Variants in PCDHA3 observed in about 807,000 individuals in gnomAD.
PCDHA3 encodes protocadherin alpha-3.
In PCDHA3, 41 loss-of-function variants were observed where a neutral mutation model predicts 62.2. The ratio of observed to expected loss-of-function variants is 0.66; its 90% CI spans 0.51 to 0.86. PCDHA3 has a LOEUF of 0.86. Among genes scored for constraint, PCDHA3 ranks in the 40% least tolerant of loss-of-function variants. The pLI, the probability that PCDHA3 is intolerant of heterozygous loss-of-function variation, is 0.00. For missense variants in PCDHA3, 1,304 were observed against 1,241.2 expected (o/e 1.05, Z -0.76); for synonymous variants, 640 against 555.4 (o/e 1.15, Z -2.14).
chr5:140,876,165 C>T (rs782073467), intron 1 of PCDHA3: 4 of 1,613,944 alleles, frequency 2.5e-6, no homozygotes, highest in Admixed American at 1.7e-5. Flanking sequence ...TTCAAATAAC[C>T]GTCCTGGATG....
chr5:140,966,937 C>T (rs2096072123), intron 1 of PCDHA3: 6 of 1,604,032 alleles, frequency 3.7e-6, no homozygotes, highest in Non-Finnish European at 5.1e-6. Flanking sequence ...CCGGCGCGCT[C>T]GTGGGCAACG....
At chr5:140,937,748 T>C (rs192465220) in intron 1 of PCDHA3, among the ~76,000 whole-genome samples, 1 of 151,812 alleles carries the variant, frequency 6.6e-6, no homozygotes, top group Admixed American at 6.6e-5. Context: ...CCGTCTCTAC[T>C]AAAAATACAA....
chr5:140,877,515 G>A (rs371100299), intron 1 of PCDHA3: 177 of 1,613,796 alleles, frequency 1.1e-4, no homozygotes, highest in Admixed American at 4.8e-4. Context: ...CGTCGTCGCG[G>A]GCCTCAGTGG....
intron 1 of PCDHA3, among the ~76,000 whole-genome samples, chr5:140,977,549 A>G (rs2096765562): frequency 6.6e-6 from 1 of 152,210 alleles, no homozygotes; most frequent in African/African-American, 2.4e-5. Flanking sequence ...TTGCATATGC[A>G]TATCTTGCTA....
chr5:140,934,611 C>T (rs1346764744), intron 1 of PCDHA3, among the ~76,000 whole-genome samples: 2 of 151,950 alleles, frequency 1.3e-5, no homozygotes, highest in Non-Finnish European at 2.9e-5. Context: ...TTTGATTAGC[C>T]TGAGGTACAG....
At chr5:140,943,275 AAAG>A (rs1197372058) in intron 1 of PCDHA3, among the ~76,000 whole-genome samples, 86 of 137,844 alleles carry the variant, frequency 6.2e-4, no homozygotes, top group African/African-American at 2.2e-3. Flanking sequence ...AAAAAAAAAA[AAAG>A]AAAGAAAGAA....
At chr5:140,883,952 G>C (rs782014250) in intron 1 of PCDHA3, 17 of 1,613,030 alleles carry the variant, frequency 1.1e-5, no homozygotes, top group Non-Finnish European at 1.4e-5. Context: ...GAACGACAAC[G>C]CTCCGGCGCT....
chr5:140,975,579 A>G (rs1464978366), intron 1 of PCDHA3, among the ~76,000 whole-genome samples: 3 of 152,244 alleles, frequency 2.0e-5, no homozygotes, highest in Non-Finnish European at 4.4e-5. Context: ...ATGCAGTCTC[A>G]TGTCCCAGAG....
chr5:140,882,917 G>A, intron 1 of PCDHA3: 1 of 1,614,218 alleles, frequency 6.2e-7, no homozygotes, highest in Non-Finnish European at 8.5e-7. Context: ...AGCCAGTGAT[G>A]GAGGTAAACC....
At chr5:140,875,588 C>T in intron 1 of PCDHA3, 1 of 1,613,954 alleles carries the variant, frequency 6.2e-7, no homozygotes, top group Non-Finnish European at 8.5e-7. Flanking sequence ...TACGAGGAGG[C>T]CAAACACGGC....
intron 1 of PCDHA3, chr5:140,882,617 T>TA: frequency 6.2e-7 from 1 of 1,614,218 alleles, no homozygotes; most frequent in Non-Finnish European, 8.5e-7. Context: ...TCTGCAGGTT[T>TA]TCCATGTGGA....
chr5:140,832,197 C>T (rs1212075331), intron 1 of PCDHA3, among the ~76,000 whole-genome samples: 4 of 152,210 alleles, frequency 2.6e-5, no homozygotes, highest in Non-Finnish European at 5.9e-5. Context: ...ATTTAACCTG[C>T]TGAGTCCTCA....
chr5:140,965,664 A>G (rs931573016), intron 1 of PCDHA3, among the ~76,000 whole-genome samples: 2 of 152,254 alleles, frequency 1.3e-5, no homozygotes, highest in Non-Finnish European at 2.9e-5. Flanking sequence ...GTCTTGGGTG[A>G]TAAATGTAAA....
chr5:140,983,284 A>G (rs540419188), intron 3 of PCDHA3, among the ~76,000 whole-genome samples: 1 of 152,330 alleles, frequency 6.6e-6, no homozygotes, highest in East Asian at 1.9e-4. Context: ...GAGTATAGGA[A>G]AATTGCTTAA....
chr5:140,925,337 AT>A (rs1197479455), intron 1 of PCDHA3, among the ~76,000 whole-genome samples: 1 of 152,072 alleles, frequency 6.6e-6, no homozygotes, highest in Non-Finnish European at 1.5e-5. Flanking sequence ...TAAAAGAAGG[AT>A]TTGAGTGAGG....
intron 1 of PCDHA3, chr5:140,884,062 C>T (rs1328958684): frequency 8.7e-6 from 14 of 1,613,496 alleles, no homozygotes; most frequent in Non-Finnish European, 1.2e-5. Context: ...GCGCGGTGGA[C>T]GCCGATTCGG....
chr5:140,873,432 T>A (rs992972839), intron 1 of PCDHA3, among the ~76,000 whole-genome samples: 5 of 152,212 alleles, frequency 3.3e-5, no homozygotes, highest in African/African-American at 7.2e-5. Flanking sequence ...TTATTTTATA[T>A]CACATAAATA....
At chr5:140,967,872 A>C (rs2096192784) in intron 1 of PCDHA3, 2 of 1,614,034 alleles carry the variant, frequency 1.2e-6, no homozygotes, top group Non-Finnish European at 1.7e-6. Context: ...GTGCTCACGG[A>C]CCTGTATAGC....
chr5:140,876,648 T>A, intron 1 of PCDHA3: 4 of 1,614,208 alleles, frequency 2.5e-6, no homozygotes, highest in Non-Finnish European at 3.4e-6. Flanking sequence ...TGACACCTCA[T>A]GTTCCCTTCA....
Sources: allele counts gnomAD v4.1 joint callset (sites outside exome capture counted in the v4.1 genomes callset), GRCh38; gene constraint gnomAD v4.1.1; transcripts MANE v1.5; gene names NCBI Gene and HGNC (gene_info 2026-07-23, HGNC 2026-07-21).